Variants in UBE4B observed in about 807,000 individuals in gnomAD.
UBE4B encodes the protein ubiquitination factor E4B, also known as ubiquitin conjugation factor E4 B.
In UBE4B, 27 loss-of-function variants were observed where a neutral mutation model predicts 148.1. The ratio of observed to expected loss-of-function variants is 0.18; its 90% confidence interval spans 0.13 to 0.25. UBE4B has a LOEUF of 0.25. Among genes scored for constraint, UBE4B ranks in the 10% least tolerant of loss-of-function variants. UBE4B has a pLI of 1.00. For synonymous variants in UBE4B, 596 were observed against 619.3 expected (o/e 0.96, Z 0.56); for missense variants, 1,170 against 1,662.4 (o/e 0.70, Z 5.15).
intron 7 of UBE4B, among the ~76,000 whole-genome samples, chr1:10,113,705 A>T (rs983386359): frequency 3.9e-5 from 6 of 152,164 alleles, no homozygotes; most frequent in Non-Finnish European, 7.4e-5. Context: ...GCACGCTCAC[A>T]TGCTGGCTGG....
At chr1:10,141,622 T>G (rs1373435527) in intron 17 of UBE4B, among the ~76,000 whole-genome samples, 1 of 152,206 alleles carries the variant, frequency 6.6e-6, no homozygotes, top group Non-Finnish European at 1.5e-5. Flanking sequence ...TTCAAATATG[T>G]GCTTCTGTTG....
chr1:10,035,734 T>A lies in UBE4B; in HGVS notation c.24+2040T>A, dbSNP rs1007782893. Among the ~76,000 whole-genome samples the A allele has an allele frequency of 1.4e-4, 20 of 143,250 alleles. No homozygotes were observed. The East Asian group carries it at 2.1e-3, about 15-fold the overall frequency. The allele number at this position is 143,250 out of a possible 152,430, so 94.0% of individuals were successfully genotyped here. On this transcript the variant is annotated intron_variant, in intron 1 of 27. Coordinates refer to ENST00000343090, the MANE Select transcript of UBE4B (RefSeq NM_001105562.3). ...GATAGTTTTTTTATTTTTTTTTATT[T>A]TTTATTTATTTTATTTTATTTTTTT...
chr1:10,162,236 C>T (rs923674911), intron 23 of UBE4B, among the ~76,000 whole-genome samples: 4 of 152,098 alleles, frequency 2.6e-5, no homozygotes, highest in Admixed American at 6.5e-5. Context: ...TGCAGTGGCA[C>T]GATCTCAGCT....
chr1:10,053,687 CT>C (rs916430073), intron 1 of UBE4B, among the ~76,000 whole-genome samples: 25 of 147,000 alleles, frequency 1.7e-4, no homozygotes, highest in Admixed American at 2.7e-4. Flanking sequence ...ATTTTGAAAA[CT>C]TTTTTTTTTT....
At chr1:10,158,255 T>A in intron 21 of UBE4B, 101 bp from the exon 22 acceptor site, 2 of 1,423,418 alleles carry the variant, frequency 1.4e-6, no homozygotes, top group Non-Finnish European at 1.9e-6. Flanking sequence ...GCTCTCTGAT[T>A]TTGCAGGTTT....
At chr1:10,082,026 C>T (rs1644690852) in intron 2 of UBE4B, among the ~76,000 whole-genome samples, 1 of 152,172 alleles carries the variant, frequency 6.6e-6, no homozygotes, top group Admixed American at 6.5e-5. Context: ...ATTCTTATCC[C>T]TCCAAATTTG....
At position 10,106,084 on chromosome 1, in the gene UBE4B, T is replaced by C. The variant is rs1250948968; in HGVS notation, c.810-113T>C. ...TATTTAGATGTTTATCTGCTAGATA[T>C]ACTTGAACTGAAATGATTCTCCTTT... is the stretch of plus-strand genomic sequence containing the variant. On this transcript the variant is annotated intron_variant, in intron 6 of 27. Transcript: ENST00000343090. The surrounding 1 kb of genome is among the most constrained non-coding windows in gnomAD (Gnocchi z 4.2). 3.0e-5 allele frequency: 37 copies of C among 1,224,018 alleles called. 1 individual carries two copies. The South Asian group carries it at 5.3e-4, about 18-fold the overall frequency. The allele number at this position is 1,224,018 out of a possible 1,614,324, so 75.8% of individuals were successfully genotyped here.
intron 1 of UBE4B, among the ~76,000 whole-genome samples, chr1:10,068,818 C>T (rs1313799640): frequency 6.6e-6 from 1 of 152,206 alleles, no homozygotes; most frequent in Non-Finnish European, 1.5e-5. Context: ...GTGTAGAAGG[C>T]ATTCAGACCA....
intron 8 of UBE4B, among the ~76,000 whole-genome samples, chr1:10,118,823 T>C (rs577223372): frequency 7.5e-4 from 112 of 150,144 alleles, no homozygotes; most frequent in Non-Finnish European, 1.4e-3. Flanking sequence ...AATTTTTATG[T>C]TTTTTTTAGT....
At chr1:10,181,239 ATCT>A (rs1404719013), downstream of UBE4B, 4 of 121,106 alleles carry the variant, frequency 3.3e-5, no homozygotes, top group African/African-American at 3.3e-5. Context: ...TTCAGAAGAA[ATCT>A]TCTTTGAGTC....
chr1:10,180,022 C>G lies in UBE4B; in HGVS notation c.*66C>G, dbSNP rs371742248. 6.9e-6 allele frequency: 11 copies of G among 1,600,578 alleles called. No individual in the cohort carries two copies. The highest frequency in any genetic ancestry group is 8.5e-6 in the Non-Finnish European group (10 of 1,171,220). On this transcript the variant is annotated 3_prime_UTR_variant, in exon 28 of 28. Transcript: ENST00000343090. ...CAACGAGGCAAGCAGAAGCAGCGGC[C>G]GCAGCGAAGCTGCCGTTCATGTGTT...
rs1489730266 is a variant in UBE4B at position 10,099,260 on chromosome 1, A to T, written c.348-1848A>T. Among the ~76,000 whole-genome samples the T allele has an allele frequency of 2.6e-5, 4 of 152,228 alleles. No homozygotes were observed. In the East Asian group the frequency reaches 5.8e-4, roughly 22 times the overall value. On this transcript the variant is annotated intron_variant, in intron 3 of 27. Coordinates refer to ENST00000343090, the MANE Select transcript of UBE4B (RefSeq NM_001105562.3). ...CTGTCTAAAAAAGAAAAAATTATTT[A>T]CATGTAAACTTTCTATGTATAAATA...
At chr1:10,096,903 G>T (rs1203623138) in intron 3 of UBE4B, among the ~76,000 whole-genome samples, 1 of 151,868 alleles carries the variant, frequency 6.6e-6, no homozygotes, top group Admixed American at 6.6e-5. Flanking sequence ...GCTGGGTGTG[G>T]TGTTGCATGC....
chr1:10,165,042 G>A (rs1333763624), intron 23 of UBE4B, among the ~76,000 whole-genome samples: 1 of 152,116 alleles, frequency 6.6e-6, no homozygotes, highest in Non-Finnish European at 1.5e-5. Context: ...TCACTGCTTG[G>A]TGAGCTCAGG....
intron 1 of UBE4B, among the ~76,000 whole-genome samples, chr1:10,044,651 C>T (rs1291568306): frequency 6.6e-6 from 1 of 152,024 alleles, no homozygotes; most frequent in Admixed American, 6.6e-5. Flanking sequence ...GGCATGATCT[C>T]AGCTCACTGT....
chr1:10,097,236 G>T (rs1644943754), intron 3 of UBE4B, among the ~76,000 whole-genome samples: 2 of 151,834 alleles, frequency 1.3e-5, no homozygotes, highest in South Asian at 4.1e-4. Context: ...AAATATAAAA[G>T]ATATTTAGAG....
intron 10 of UBE4B, among the ~76,000 whole-genome samples, chr1:10,123,569 A>T (rs931186299): frequency 6.6e-6 from 1 of 152,026 alleles, no homozygotes; most frequent in Non-Finnish European, 1.5e-5. Context: ...TTCTCTCTAT[A>T]TAAAATCAGC....
chr1:10,070,322 A>G (rs1230106522), intron 1 of UBE4B, among the ~76,000 whole-genome samples: 1 of 151,922 alleles, frequency 6.6e-6, no homozygotes, highest in Non-Finnish European at 1.5e-5. Flanking sequence ...TATTTAACAT[A>G]TAAACTATGA....
Position 10,106,811 on chromosome 1 carries a change from C to T in UBE4B, c.1196+228C>T, listed in dbSNP as rs191060395. On this transcript the variant is annotated intron_variant, in intron 7 of 27. Coordinates refer to ENST00000343090, the MANE Select transcript of UBE4B (RefSeq NM_001105562.3). This position sits in a 1 kb window ranked among gnomAD's most constrained non-coding sequence, Gnocchi z 4.2. The stretch of plus-strand genomic sequence containing the variant: ...GCTCTATTCTATTGTGAATCCCTTT[C>T]TTCCCTTTGAGAGTTGGGGCACACA... Among the ~76,000 whole-genome samples, 67 of 152,262 alleles carry T rather than the reference C, an allele frequency of 4.4e-4. No individual in the cohort carries two copies. The highest frequency in any genetic ancestry group is 1.6e-3 in the African/African-American group (67 of 41,556).
Sources: allele counts gnomAD v4.1 joint callset (sites outside exome capture counted in the v4.1 genomes callset), GRCh38; gene constraint gnomAD v4.1.1; non-coding constraint Gnocchi (gnomAD v3.1); transcripts MANE v1.5; gene names NCBI Gene and HGNC (gene_info 2026-07-23, HGNC 2026-07-21).